The following HDAC9 variants were observed in gnomAD, a reference collection of about 807,000 sequenced individuals.
HDAC9 encodes the protein histone deacetylase 9.
Under a neutral mutation model 139.4 loss-of-function variants are expected in HDAC9, and 41 were observed. That is an observed-to-expected ratio of 0.29 (90% CI 0.23 to 0.38). The LOEUF (loss-of-function observed/expected upper bound fraction) is 0.38, where lower values mean the gene tolerates loss of function less well. Ranked by LOEUF, HDAC9 falls within the 10% of genes least tolerant of loss-of-function variation. The probability of loss-of-function intolerance (pLI) is 1.00; values close to 1 mark genes in which losing one functional copy is unlikely to be tolerated. For missense variants in HDAC9, 1,147 were observed against 1,297.0 expected (o/e 0.88, Z 1.78); for synonymous variants, 517 against 476.2 (o/e 1.09, Z -1.12).
At chr7:18,163,156 T>C (rs2128128046) in intron 2 of HDAC9, among the ~76,000 whole-genome samples, 1 of 152,306 alleles carries the variant, frequency 6.6e-6, no homozygotes, top group Middle Eastern at 3.4e-3. Context: ...GGAGACAACT[T>C]GCCAAGATTT....
intron 2 of HDAC9, among the ~76,000 whole-genome samples, chr7:18,513,889 T>G (rs1802369870): frequency 6.6e-6 from 1 of 152,248 alleles, no homozygotes; most frequent in African/African-American, 2.4e-5. Flanking sequence ...AGTAATTTGT[T>G]TGATACTGCT....
intron 22 of HDAC9, among the ~76,000 whole-genome samples, chr7:18,910,180 T>C (rs1802619483): frequency 6.6e-6 from 1 of 151,974 alleles, no homozygotes; most frequent in African/African-American, 2.4e-5. Context: ...TATTAATTCA[T>C]CCAATTCATA....
At chr7:18,875,648 G>A (rs1487546046) in intron 22 of HDAC9, among the ~76,000 whole-genome samples, 1 of 152,184 alleles carries the variant, frequency 6.6e-6, no homozygotes, top group East Asian at 1.9e-4. Context: ...ATTAAAACAG[G>A]AAACTCTACA....
intron 1 of HDAC9, among the ~76,000 whole-genome samples, chr7:18,451,368 CGTGTGTGTGTGTGTGTGT>C: frequency 7.2e-6 from 1 of 138,884 alleles, no homozygotes; most frequent in African/African-American, 2.7e-5. Flanking sequence ...TGTATATGTG[CGTGTGTGTGTGTGTGTGT>C]GTGTGTGTGT....
chr7:18,516,320 A>C (rs1803162906), intron 2 of HDAC9, among the ~76,000 whole-genome samples: 1 of 152,218 alleles, frequency 6.6e-6, no homozygotes, highest in Non-Finnish European at 1.5e-5. Flanking sequence ...AGTTATGCTC[A>C]TATCCATAGA....
chr7:18,285,756 A>G (rs892745923), upstream of HDAC9, among the ~76,000 whole-genome samples: 2 of 152,114 alleles, frequency 1.3e-5, no homozygotes, highest in African/African-American at 4.8e-5. Context: ...TCTTTTCAGC[A>G]AGTACATATT....
At chr7:18,262,781 C>G (rs1196175079) in intron 2 of HDAC9, among the ~76,000 whole-genome samples, 1 of 152,054 alleles carries the variant, frequency 6.6e-6, no homozygotes, top group East Asian at 1.9e-4. Flanking sequence ...TTGAAATTAA[C>G]TTGGTATTAA....
intron 2 of HDAC9, among the ~76,000 whole-genome samples, chr7:18,244,352 T>C (rs1216784683): frequency 6.6e-6 from 1 of 152,202 alleles, no homozygotes; most frequent in Non-Finnish European, 1.5e-5. Context: ...AGTATTAAAC[T>C]ACTGCAAAAT....
chr7:18,905,029 G>A (rs1030712002), intron 22 of HDAC9, among the ~76,000 whole-genome samples: 1 of 152,062 alleles, frequency 6.6e-6, no homozygotes, highest in Non-Finnish European at 1.5e-5. Context: ...CTCCTGAGTA[G>A]CTGGGCCTAC....
intron 1 of HDAC9, among the ~76,000 whole-genome samples, chr7:18,449,534 T>C (rs1792602703): frequency 6.6e-6 from 1 of 152,084 alleles, no homozygotes; most frequent in Non-Finnish European, 1.5e-5. Flanking sequence ...ATCTAGCTGG[T>C]TTATTGGGAG....
chr7:18,377,137 T>A (rs890327116), intron 1 of HDAC9, among the ~76,000 whole-genome samples: 1 of 152,098 alleles, frequency 6.6e-6, no homozygotes, highest in Non-Finnish European at 1.5e-5. Context: ...AGTGCCAGCA[T>A]GGTTGAGTTC....
At chr7:18,271,036 A>G (rs2128213473) in intron 2 of HDAC9, among the ~76,000 whole-genome samples, 1 of 152,322 alleles carries the variant, frequency 6.6e-6, no homozygotes, top group South Asian at 2.1e-4. Context: ...AGTAACTACT[A>G]TATGGAAGTT....
At chr7:18,445,783 A>T (rs28550406) in intron 1 of HDAC9, among the ~76,000 whole-genome samples, 3 of 152,246 alleles carry the variant, frequency 2.0e-5, no homozygotes, top group African/African-American at 7.2e-5. Flanking sequence ...TAGTTAAATC[A>T]GCCAAAAAGA....
At chr7:18,324,030 C>T (rs962530766) in intron 1 of HDAC9, among the ~76,000 whole-genome samples, 1 of 150,924 alleles carries the variant, frequency 6.6e-6, no homozygotes, top group Admixed American at 6.6e-5. Context: ...ATTCATAAGT[C>T]TCAGCTCTCA....
intron 6 of HDAC9, among the ~76,000 whole-genome samples, chr7:18,604,021 T>G (rs1312603443): frequency 6.6e-6 from 1 of 152,104 alleles, no homozygotes; most frequent in African/African-American, 2.4e-5. Context: ...AAGTTTTTCT[T>G]TTTTTCTATG....
intron 12 of HDAC9, among the ~76,000 whole-genome samples, chr7:18,681,225 A>G (rs1781866879): frequency 6.6e-6 from 1 of 151,968 alleles, no homozygotes; most frequent in African/African-American, 2.4e-5. Flanking sequence ...CAGTGAATTC[A>G]TTGTTGAAAA....
intron 12 of HDAC9, among the ~76,000 whole-genome samples, chr7:18,690,246 A>G (rs6956490): frequency 0.048 from 7,315 of 152,106 alleles, 534 homozygotes; most frequent in African/African-American, 0.16. Flanking sequence ...AAGAGATATT[A>G]CTGGTTATAA....
chr7:18,345,473 G>A (rs901909182), intron 1 of HDAC9, among the ~76,000 whole-genome samples: 1 of 151,606 alleles, frequency 6.6e-6, no homozygotes, highest in Non-Finnish European at 1.5e-5. Context: ...ACCACACAGC[G>A]GGATTCAAAG....
chr7:18,433,159 A>G (rs112801304), intron 1 of HDAC9, among the ~76,000 whole-genome samples: 4,761 of 152,288 alleles, frequency 0.031, 88 homozygotes, highest in African/African-American at 0.056. Flanking sequence ...GATCATCTCA[A>G]TAGATGCAAA....
Sources: allele counts gnomAD v4.1 joint callset (sites outside exome capture counted in the v4.1 genomes callset), GRCh38; gene constraint gnomAD v4.1.1; transcripts MANE v1.5; gene names NCBI Gene and HGNC (gene_info 2026-07-23, HGNC 2026-07-21).